Variants in RABGAP1L observed in about 807,000 individuals in gnomAD.
The protein encoded by RABGAP1L is rab GTPase-activating protein 1-like.
A neutral mutation model predicts 137.7 loss-of-function variants in RABGAP1L; 63 were observed. The ratio of observed to expected loss-of-function variants is 0.46; its 90% CI spans 0.37 to 0.56. The LOEUF is 0.56. RABGAP1L is among the 20% of genes least tolerant of loss of function. The probability of loss-of-function intolerance (pLI) is 0.00; values close to 1 mark genes in which losing one functional copy is unlikely to be tolerated. For synonymous variants in RABGAP1L, 431 were observed against 433.7 expected (o/e 0.99, Z 0.08); for missense variants, 1,095 against 1,244.0 (o/e 0.88, Z 1.80).
chr1:174,721,819 G>GT (rs967122130), intron 17 of RABGAP1L, among the ~76,000 whole-genome samples: 1 of 152,176 alleles, frequency 6.6e-6, no homozygotes, highest in Non-Finnish European at 1.5e-5. Context: ...ATATTAAACT[G>GT]TAAGTCTCTT....
intron 11 of RABGAP1L, among the ~76,000 whole-genome samples, chr1:174,308,220 A>G (rs946159888): frequency 4.6e-5 from 7 of 151,922 alleles, no homozygotes; most frequent in African/African-American, 1.7e-4. Flanking sequence ...ATGTATGTGT[A>G]TATGTATACA....
intron 19 of RABGAP1L, 81 bp from the exon 20 acceptor site, chr1:174,957,376 A>T: frequency 8.8e-7 from 1 of 1,136,780 alleles, no homozygotes; most frequent in Non-Finnish European, 1.3e-6. Context: ...AGAATGCCAG[A>T]AATTTAACTA....
intron 11 of RABGAP1L, among the ~76,000 whole-genome samples, chr1:174,350,602 C>G (rs1683069088): frequency 1.1e-5 from 1 of 92,678 alleles, no homozygotes; most frequent in Non-Finnish European, 2.2e-5. Context: ...TCCTCACTTT[C>G]CAGACTGGGC....
intron 15 of RABGAP1L, among the ~76,000 whole-genome samples, chr1:174,698,106 A>T (rs1218303535): frequency 2.0e-5 from 3 of 152,230 alleles, no homozygotes; most frequent in Non-Finnish European, 4.4e-5. Flanking sequence ...AGTTAGTCTA[A>T]CAAATGTATG....
chr1:174,736,908 A>G (rs1184054071), intron 17 of RABGAP1L, among the ~76,000 whole-genome samples: 3 of 152,208 alleles, frequency 2.0e-5, no homozygotes, highest in Non-Finnish European at 2.9e-5. Context: ...GACCAGGACA[A>G]TGGGGCCCCG....
intron 4 of RABGAP1L, among the ~76,000 whole-genome samples, chr1:174,237,831 G>A (rs1671350046): frequency 1.3e-5 from 2 of 149,888 alleles, no homozygotes; most frequent in South Asian, 2.1e-4. Flanking sequence ...TTACTAGATT[G>A]GGGAAATTCT....
intron 4 of RABGAP1L, among the ~76,000 whole-genome samples, chr1:174,237,162 G>T (rs933810337): frequency 3.3e-5 from 5 of 151,198 alleles, no homozygotes; most frequent in Non-Finnish European, 7.4e-5. Flanking sequence ...GCCTATGTGT[G>T]TCTCTGCACG....
At chr1:174,320,595 T>A (rs933747779) in intron 11 of RABGAP1L, among the ~76,000 whole-genome samples, 5 of 152,150 alleles carry the variant, frequency 3.3e-5, no homozygotes, top group African/African-American at 1.2e-4. Context: ...TTGTGAAGAT[T>A]TCATGGACAT....
intron 15 of RABGAP1L, among the ~76,000 whole-genome samples, chr1:174,686,810 A>G (rs1678506879): frequency 6.6e-6 from 1 of 151,482 alleles, no homozygotes; most frequent in Admixed American, 6.6e-5. Context: ...CACACGTATC[A>G]CCATGCCCAG....
At chr1:174,353,578 T>C (rs918973014) in intron 11 of RABGAP1L, among the ~76,000 whole-genome samples, 3 of 152,184 alleles carry the variant, frequency 2.0e-5, no homozygotes, top group African/African-American at 7.2e-5. Flanking sequence ...CCCGTGGTGG[T>C]GGGTCTACCT....
intron 17 of RABGAP1L, among the ~76,000 whole-genome samples, chr1:174,749,011 T>C (rs1360333292): frequency 2.0e-5 from 3 of 151,756 alleles, no homozygotes; most frequent in Admixed American, 1.3e-4. Context: ...ACCCCGCCTC[T>C]ACTAAAAATA....
chr1:174,515,196 T>G (rs1662711742), intron 13 of RABGAP1L, among the ~76,000 whole-genome samples: 1 of 152,196 alleles, frequency 6.6e-6, no homozygotes, highest in Non-Finnish European at 1.5e-5. Context: ...TCCTATGAAG[T>G]AGTTACTATA....
At position 174,374,662 on chromosome 1, in the gene RABGAP1L, AT is replaced by A. The variant is rs1366138008; in HGVS notation, c.1559+3592del. ...GAATATAATTTAATGGGAAAAATAC[AT>A]TACGCTTAAACTCAGAACTGAATTA... On this transcript the variant is annotated intron_variant, in intron 12 of 25. Coordinates refer to ENST00000681986, the MANE Select transcript of RABGAP1L (RefSeq NM_001366446.1). Among the ~76,000 whole-genome samples, 4 of 152,354 alleles carry A rather than the reference AT, an allele frequency of 2.6e-5. No homozygotes were observed. The East Asian group carries it at 7.7e-4, about 29-fold the overall frequency.
At chr1:174,768,970 T>C (rs527415303) in intron 18 of RABGAP1L, among the ~76,000 whole-genome samples, 36 of 152,270 alleles carry the variant, frequency 2.4e-4, no homozygotes, top group African/African-American at 8.2e-4. Flanking sequence ...TTTTACCCTC[T>C]ATCAGAAAAG....
chr1:174,503,668 A>AAAAAAG (rs1331935037), intron 13 of RABGAP1L, among the ~76,000 whole-genome samples: 1 of 151,312 alleles, frequency 6.6e-6, no homozygotes, highest in Non-Finnish European at 1.5e-5. Context: ...CAAAAAAAAA[A>AAAAAAG]AAAAAAAGAA....
intron 1 of RABGAP1L, among the ~76,000 whole-genome samples, chr1:174,177,811 G>A (rs566257551): frequency 3.7e-4 from 56 of 152,234 alleles, no homozygotes; most frequent in Non-Finnish European, 6.0e-4. Context: ...TGTTATTTCC[G>A]AGGTCTCTAT....
At chr1:174,198,257 C>T (rs959312132) in intron 1 of RABGAP1L, among the ~76,000 whole-genome samples, 1 of 152,052 alleles carries the variant, frequency 6.6e-6, no homozygotes, top group Non-Finnish European at 1.5e-5. Context: ...ATGTCCAAAT[C>T]CATAGTGTAT....
At chr1:174,162,212 CAGG>C (rs745834689) in intron 1 of RABGAP1L, among the ~76,000 whole-genome samples, 17 of 151,932 alleles carry the variant, frequency 1.1e-4, no homozygotes, top group Non-Finnish European at 1.9e-4. Context: ...GCATGTGAAA[CAGG>C]AGTTTTCATG....
At chr1:174,838,897 G>C (rs888257144) in intron 19 of RABGAP1L, among the ~76,000 whole-genome samples, 15 of 102,496 alleles carry the variant, frequency 1.5e-4, no homozygotes, top group Non-Finnish European at 2.2e-4. Context: ...CAGCCTGGGC[G>C]ACAAAGCGAG....
Sources: allele counts gnomAD v4.1 joint callset (sites outside exome capture counted in the v4.1 genomes callset), GRCh38; gene constraint gnomAD v4.1.1; transcripts MANE v1.5; gene names NCBI Gene and HGNC (gene_info 2026-07-23, HGNC 2026-07-21).